The following F8 variants were observed in gnomAD, a reference collection of about 807,000 sequenced individuals.
F8 encodes antihemophilic factor.
A neutral mutation model predicts 140.6 loss-of-function variants in F8; 12 were observed. The ratio of observed to expected loss-of-function variants is 0.09; its 90% CI spans 0.05 to 0.14. F8 has a LOEUF of 0.14. Ranked by LOEUF, F8 falls within the 10% of genes least tolerant of loss-of-function variation. F8 has a pLI of 1.00. For missense variants in F8, 1,354 were observed against 1,720.7 expected, an observed-to-expected ratio of 0.79 and a Z score of 3.77; for synonymous variants, 585 against 614.6, an observed-to-expected ratio of 0.95 and a Z score of 0.71.
chrX:154,964,669 C>T (rs1018385440), intron 9 of F8, among the ~76,000 whole-genome samples: 30 of 111,629 alleles, frequency 2.7e-4, no homozygotes, highest in Non-Finnish European at 5.5e-4. Context: ...TCAAAAGTAA[C>T]TTCCAGGGCA....
At chrX:154,981,764 GT>G (rs1166543573) in intron 6 of F8, among the ~76,000 whole-genome samples, 1 of 110,699 alleles carries the variant, frequency 9.0e-6, no homozygotes, top group Non-Finnish European at 1.9e-5. Flanking sequence ...CTTATATGCA[GT>G]TTTTTTTCAA....
intron 11 of F8, among the ~76,000 whole-genome samples, chrX:154,955,494 T>C (rs1239790269): frequency 2.7e-5 from 3 of 109,371 alleles, no homozygotes; most frequent in African/African-American, 1.0e-4. Context: ...CACTGTGCTA[T>C]ATTGTGGGAA....
At chrX:154,892,531 C>G (rs2072950898) in intron 22 of F8, among the ~76,000 whole-genome samples, 1 of 112,214 alleles carries the variant, frequency 8.9e-6, no homozygotes, top group Admixed American at 9.4e-5. Context: ...CATTTTCTTC[C>G]TTGGCAAATA....
intron 1 of F8, among the ~76,000 whole-genome samples, chrX:155,017,501 C>T (rs184709509): frequency 8.9e-6 from 1 of 112,252 alleles, no homozygotes; most frequent in Non-Finnish European, 1.9e-5. Context: ...TAAAATCATA[C>T]GTCTAGATTA....
intron 22 of F8, among the ~76,000 whole-genome samples, chrX:154,879,174 T>A (rs1314250544): frequency 9.0e-6 from 1 of 111,515 alleles, no homozygotes; most frequent in Non-Finnish European, 1.9e-5. Context: ...GTGCAAGACC[T>A]CAAATAGCCA....
At chrX:154,946,059 T>A (rs1321549664) in intron 13 of F8, among the ~76,000 whole-genome samples, 2 of 111,426 alleles carry the variant, frequency 1.8e-5, no homozygotes, top group Admixed American at 1.9e-4. Flanking sequence ...TAATGAAAAC[T>A]AAAATACTGA....
At chrX:154,860,005 T>C (rs1476038416) in intron 25 of F8, among the ~76,000 whole-genome samples, 4 of 111,733 alleles carry the variant, frequency 3.6e-5, no homozygotes, top group African/African-American at 1.3e-4. Flanking sequence ...GGTTAATTCT[T>C]GGTGAAAAAA....
intron 14 of F8, among the ~76,000 whole-genome samples, chrX:154,913,826 C>T (rs782790778): frequency 4.4e-5 from 5 of 112,725 alleles, no homozygotes; most frequent in African/African-American, 6.4e-5. Flanking sequence ...GCATTGAGTG[C>T]CTGTGGCTTT....
In F8 at chrX:154,966,703, C is replaced by T; in HGVS notation, c.1010-16G>A. The T allele has an allele frequency of 8.3e-7, 1 of 1,209,588 alleles. No individual in the cohort carries two copies. Among genetic ancestry groups the T allele is most frequent in the Middle Eastern group, 2.3e-4 (1 of 4,354 alleles). On this transcript the variant is annotated splice_polypyrimidine_tract_variant and intron_variant, in intron 7 of 25. Transcript: ENST00000360256. ...TCCATGCCATCTGGAGTCAGACAAA[C>T]CAAACAATGTCAGAGTGTCTTGCTA...
chrX:154,953,747 G>A, intron 12 of F8, 145 bp downstream of exon 12: 2 of 756,746 alleles, frequency 2.6e-6, no homozygotes, highest in Non-Finnish European at 2.0e-6. Flanking sequence ...GATCACGTGT[G>A]TTTGAGTAAA....
At chrX:154,907,213 A>C (rs1557276414) in intron 14 of F8, among the ~76,000 whole-genome samples, 1 of 112,270 alleles carries the variant, frequency 8.9e-6, no homozygotes, top group Non-Finnish European at 1.9e-5. Flanking sequence ...CCTGTTTTGA[A>C]GTGTGTAAAT....
chrX:154,927,412 A>C (rs1283568508), intron 14 of F8, among the ~76,000 whole-genome samples: 4 of 111,948 alleles, frequency 3.6e-5, no homozygotes, highest in South Asian at 7.5e-4. Context: ...AAGAGATGGG[A>C]ATCAAGTACA....
In F8 at chrX:154,984,720, T is replaced by C. The variant is rs1377478439; in HGVS notation, c.754A>G (p.Thr252Ala). 3 of 1,209,146 alleles carry C rather than the reference T, an allele frequency of 2.5e-6. No homozygotes were observed. The highest frequency in any genetic ancestry group is 1.8e-5 in the African/African-American group (1 of 57,087). ...ASARAWPKMH[T>A]VNGYVNRSLP... ...GACCTGTTTACATAACCATTGACTGTGTGCATTTTAGGCCAGGCCCGAGCA... is the reference window on the plus strand; with the variant it reads ...GACCTGTTTACATAACCATTGACTGCGTGCATTTTAGGCCAGGCCCGAGCA... The change falls in exon 6 of 26, where the codon ACA becomes GCA. Residue 252 changes from threonine to alanine, a missense_variant. This residue lies in a region of F8 where 128 missense variants were observed against 230.4 expected (regional missense o/e 0.56). Transcript: ENST00000360256.
chrX:154,857,735 G>A (rs781845691), intron 25 of F8, among the ~76,000 whole-genome samples: 13 of 112,752 alleles, frequency 1.2e-4, no homozygotes, highest in Non-Finnish European at 2.3e-4. Flanking sequence ...ATTTGGGGAA[G>A]AGGTATGTGG....
At chrX:154,999,665 G>A (rs1216739801) in intron 1 of F8, 65 bp from the exon 2 acceptor site, 4 of 1,137,771 alleles carry the variant, frequency 3.5e-6, no homozygotes, top group Non-Finnish European at 4.8e-6. Context: ...TGGAAGTAAT[G>A]CTTCCATACT....
At chrX:154,859,058 G>A (rs1356657135) in intron 25 of F8, among the ~76,000 whole-genome samples, 1 of 111,798 alleles carries the variant, frequency 8.9e-6, no homozygotes, top group Admixed American at 9.5e-5. Flanking sequence ...AAAAGACTGA[G>A]TCTTCCCCAA....
rs1603435286 is a variant in F8 at position 154,966,677 on chromosome X, T to G, written c.1020A>C (p.Glu340Asp). 1.7e-6 allele frequency: 2 copies of G among 1,211,555 alleles called. No individual in the cohort carries two copies. The highest frequency in any genetic ancestry group is 2.2e-6 in the Non-Finnish European group (2 of 895,455). The part of the protein sequence containing the change: ...HISSHQHDGM[E>D]AYVKVDSCPE... ...GACAGCTGTCTACTTTGACATAAGC[T>G]TCCATGCCATCTGGAGTCAGACAAA... The change falls in exon 8 of 26, where the codon GAA (glutamate) becomes GAC (aspartate). Residue 340 changes from glutamate (E) to aspartate (D), a missense_variant. By Grantham distance (45) the Glu-to-Asp change is conservative. Coordinates refer to ENST00000360256, the MANE Select transcript of F8 (RefSeq NM_000132.4).
At chrX:154,896,335 T>C in intron 21 of F8, 103 bp from the exon 22 acceptor site, 3 of 867,808 alleles carry the variant, frequency 3.5e-6, no homozygotes, top group Non-Finnish European at 5.0e-6. Flanking sequence ...GCTACAGGTG[T>C]GTCCATCATT....
intron 2 of F8, among the ~76,000 whole-genome samples, 168 bp from the exon 3 acceptor site, chrX:154,997,263 TGAGGCAA>T (rs782732989): frequency 1.8e-4 from 20 of 112,574 alleles, no homozygotes; most frequent in African/African-American, 5.8e-4. Context: ...ATGGTTGCTC[TGAGGCAA>T]GATTTCTGGC....
Sources: gnomAD v4.1 joint callset for allele counts (sites outside exome capture counted in the v4.1 genomes callset) on GRCh38, gnomAD v4.1.1 for gene constraint, gnomAD v4.1.1 regional missense constraint, MANE v1.5 for transcripts, NCBI Gene and HGNC (gene_info 2026-07-23, HGNC 2026-07-21) for gene names.